The following MIDEAS variants were observed in gnomAD, a reference collection of about 807,000 sequenced individuals.
MIDEAS encodes the protein mitotic deacetylase-associated SANT domain protein.
A neutral mutation model predicts 102.7 loss-of-function variants in MIDEAS; 26 were observed. The ratio of observed to expected loss-of-function variants is 0.25; its 90% CI spans 0.19 to 0.35. The LOEUF (loss-of-function observed/expected upper bound fraction) is 0.35, where lower values mean the gene tolerates loss of function less well. Ranked by LOEUF, MIDEAS falls within the 10% of genes least tolerant of loss-of-function variation. The pLI is 1.00. For missense variants in MIDEAS, 1,231 were observed against 1,435.6 expected, an observed-to-expected ratio of 0.86 and a Z score of 2.30; for synonymous variants, 585 against 591.0, an observed-to-expected ratio of 0.99 and a Z score of 0.15.
chr14:73,729,599 C>T (rs2053109724), intron 4 of MIDEAS, 41 bp downstream of exon 4: 1 of 1,529,490 alleles, frequency 6.5e-7, no homozygotes, highest in Admixed American at 1.8e-5. Flanking sequence ...CCCAGTGCCC[C>T]AGCCCCGCTC....
chr14:73,743,087 G>C (rs1413925090), intron 1 of MIDEAS, among the ~76,000 whole-genome samples: 1 of 152,082 alleles, frequency 6.6e-6, no homozygotes, highest in Non-Finnish European at 1.5e-5. Flanking sequence ...CTGGAACCCA[G>C]ATCTGTCTGA....
intron 1 of MIDEAS, among the ~76,000 whole-genome samples, chr14:73,751,926 T>TC (rs1401711517): frequency 6.6e-6 from 1 of 151,970 alleles, no homozygotes; most frequent in Non-Finnish European, 1.5e-5. Flanking sequence ...GTCTTGGCTC[T>TC]CCCCTGCTTG....
intron 1 of MIDEAS, among the ~76,000 whole-genome samples, chr14:73,749,647 T>A (rs2053398021): frequency 6.6e-6 from 1 of 151,160 alleles, no homozygotes; most frequent in East Asian, 1.9e-4. Flanking sequence ...TAGATCATCA[T>A]TAGGCCATAA....
At chr14:73,727,381 G>T in intron 5 of MIDEAS, 77 bp downstream of exon 5, 2 of 1,489,606 alleles carry the variant, frequency 1.3e-6, no homozygotes, top group Middle Eastern at 1.7e-4. Flanking sequence ...CCCTCCTGTT[G>T]CTCCCAGGGC....
Position 73,739,078 on chromosome 14 carries a change from A to T in MIDEAS, c.931T>A (p.Phe311Ile). 3 of 1,573,976 alleles carry T rather than the reference A, an allele frequency of 1.9e-6. No individual in the cohort carries two copies. Among genetic ancestry groups the T allele is most frequent in the Non-Finnish European group, 2.6e-6 (3 of 1,155,998 alleles). Residue 311 changes from phenylalanine to isoleucine, a missense_variant, in exon 2 of 13, where the codon TTC becomes ATC. Physicochemically the swap from Phe to Ile is conservative, Grantham distance 21 (BLOSUM62 0). Coordinates refer to ENST00000423556, the MANE Select transcript of MIDEAS (RefSeq NM_001367710.1). ...GGGTTCATATCTGGGTTGGGGGGGAAGGGGTAGGGTGCCATGCTGTGGTGA... is the reference window on the plus strand; with the variant it reads ...GGGTTCATATCTGGGTTGGGGGGGATGGGGTAGGGTGCCATGCTGTGGTGA... Reference protein sequence around the residue: ...LAHHSMAPYPFPPNPDMNPEL... With the variant: ...LAHHSMAPYPIPPNPDMNPEL...
intron 1 of MIDEAS, among the ~76,000 whole-genome samples, chr14:73,750,893 A>G (rs2053410556): frequency 6.6e-6 from 1 of 152,220 alleles, no homozygotes; most frequent in African/African-American, 2.4e-5. Context: ...TCCCAACATC[A>G]CACAAACAAG....
At chr14:73,724,046 T>G (rs1293215753) in intron 9 of MIDEAS, 1 of 152,200 alleles carries the variant, frequency 6.6e-6, no homozygotes, top group Non-Finnish European at 1.5e-5. Flanking sequence ...AGTCACTCAC[T>G]TTTCTAATTT....
In MIDEAS at chr14:73,760,137, G is replaced by GA. The variant is rs10708298; in HGVS notation, c.-623dup. The GA allele has an allele frequency of 3.7e-3, 536 of 143,840 alleles. 4 individuals carry two copies. The highest frequency in any genetic ancestry group is 0.011 in the African/African-American group (446 of 39,328). The allele number at this position is 143,840 out of a possible 1,614,324, so 8.9% of individuals were successfully genotyped here. On this transcript the variant is annotated 5_prime_UTR_variant, in exon 1 of 13. Transcript: ENST00000423556. This position sits in a 1 kb window ranked among gnomAD's most constrained non-coding sequence, Gnocchi z 4.8. The stretch of plus-strand genomic sequence containing the variant: ...GACTCATCGGTTGAGCTCACAGCTT[G>GA]AAAAAAAAAAAAAGAGAGAGGGCGA...
intron 1 of MIDEAS, among the ~76,000 whole-genome samples, chr14:73,773,626 C>A (rs1176937141): frequency 6.6e-6 from 1 of 151,978 alleles, no homozygotes; most frequent in Admixed American, 6.6e-5. Flanking sequence ...GAAACATACT[C>A]TGCAAACAAT....
intron 1 of MIDEAS, among the ~76,000 whole-genome samples, chr14:73,757,056 TGAGCCCAA>T (rs955048670): frequency 5.3e-5 from 8 of 151,982 alleles, no homozygotes; most frequent in African/African-American, 1.9e-4. Flanking sequence ...GTGGATTTCT[TGAGCCCAA>T]GAGTTCAAGA....
At chr14:73,787,709 T>G (rs1415297347), upstream of MIDEAS, among the ~76,000 whole-genome samples, 1 of 152,206 alleles carries the variant, frequency 6.6e-6, no homozygotes, top group Admixed American at 6.5e-5. Flanking sequence ...AGGGTCCCTG[T>G]CCCCACGTTC....
rs950392385 is a variant in MIDEAS at position 73,717,594 on chromosome 14, G to A, written c.*1249C>T. The A allele has an allele frequency of 1.3e-5, 2 of 152,690 alleles. No homozygotes were observed. The highest frequency in any genetic ancestry group is 4.8e-5 in the African/African-American group (2 of 41,458). 9.5% of individuals were successfully genotyped at this position (152,690 alleles called of 1,614,324 possible). ...AAGAGCTTCCAGAGCAACCAGGTGA[G>A]GGACCTTAGGGCCTTGGGAATTTAG... On this transcript the variant is annotated 3_prime_UTR_variant, in exon 13 of 13. Transcript: ENST00000423556.
intron 1 of MIDEAS, among the ~76,000 whole-genome samples, chr14:73,780,506 C>T (rs1361615773): frequency 3.3e-5 from 5 of 152,250 alleles, no homozygotes; most frequent in Admixed American, 6.5e-5. Flanking sequence ...CTCACTCATG[C>T]ATGGGTATGA....
At chr14:73,727,419 C>T (rs2053076891) in intron 5 of MIDEAS, 39 bp downstream of exon 5, 3 of 1,606,942 alleles carry the variant, frequency 1.9e-6, no homozygotes, top group East Asian at 2.2e-5. Flanking sequence ...ACCAGTGTGG[C>T]CACCCACACC....
rs367842372 is a variant in MIDEAS at position 73,726,711 on chromosome 14, G to C, written c.2306-4C>G. On this transcript the variant is annotated splice_region_variant and splice_polypyrimidine_tract_variant and intron_variant, in intron 6 of 12. Transcript: ENST00000423556. ...GCGGCTGTCAGCAGGTCTTCCACTG[G>C]ATCCACAGGAGCATGAGGAGGGAGG... is the stretch of plus-strand genomic sequence containing the variant. The C allele has an allele frequency of 1.9e-6, 3 of 1,614,072 alleles. No individual in the cohort carries two copies. The African/African-American group carries it at 4.0e-5, about 22-fold the overall frequency.
At chr14:73,779,928 A>G (rs993691757) in intron 1 of MIDEAS, among the ~76,000 whole-genome samples, 2 of 145,682 alleles carry the variant, frequency 1.4e-5, no homozygotes, top group African/African-American at 5.1e-5. Flanking sequence ...GCTGGAGTGC[A>G]GTGGCACCAT....
chr14:73,778,689 G>A (rs762005446), intron 1 of MIDEAS, among the ~76,000 whole-genome samples: 2 of 151,964 alleles, frequency 1.3e-5, no homozygotes, highest in Admixed American at 6.6e-5. Flanking sequence ...GGGACATGGA[G>A]GGCTAGGCCC....
chr14:73,766,007 A>G (rs2053589723), intron 1 of MIDEAS, among the ~76,000 whole-genome samples: 2 of 151,972 alleles, frequency 1.3e-5, no homozygotes, highest in Admixed American at 6.6e-5. Context: ...AGCAACACAC[A>G]CCTCCTTACT....
chr14:73,721,545 G>A (rs1320752862), intron 10 of MIDEAS, 36 bp from the exon 11 acceptor site: 1 of 1,587,540 alleles, frequency 6.3e-7, no homozygotes, highest in Non-Finnish European at 8.6e-7. Flanking sequence ...TGAGCCTAGA[G>A]CTCTGTCTCA....
Sources: gnomAD v4.1 joint callset for allele counts (sites outside exome capture counted in the v4.1 genomes callset) on GRCh38, gnomAD v4.1.1 for gene constraint, Gnocchi (gnomAD v3.1) non-coding constraint, MANE v1.5 for transcripts, NCBI Gene and HGNC (gene_info 2026-07-23, HGNC 2026-07-21) for gene names.